Variants in CD34 observed in about 807,000 individuals in gnomAD.
CD34 encodes CD34 molecule.
Under a neutral mutation model 40.1 loss-of-function variants are expected in CD34, and 34 were observed. The ratio of observed to expected loss-of-function variants is 0.85; its 90% CI spans 0.65 to 1.13. The LOEUF is 1.13. Among genes scored for constraint, CD34 ranks in the 50% most tolerant of loss-of-function variants. The probability of loss-of-function intolerance (pLI) is 0.00; values close to 1 mark genes in which losing one functional copy is unlikely to be tolerated. For synonymous variants in CD34, 209 were observed against 190.0 expected (o/e 1.10, Z -0.82); for missense variants, 426 against 466.9 (o/e 0.91, Z 0.81).
At position 207,897,483 on chromosome 1, in the gene CD34, G is replaced by C. The variant is rs377027192; in HGVS notation, c.597+10C>G. On this transcript the variant is annotated intron_variant, in intron 4 of 7. Transcript: ENST00000310833. ...GCGGGAGGAAGAGGTTGGGTGGGGG[G>C]TTGACTTACACAGCTGGAGGTCTTA... 1 of 1,550,804 alleles carries C rather than the reference G, an allele frequency of 6.4e-7. No individual in the cohort carries two copies. The highest frequency in any genetic ancestry group is 8.7e-7 in the Non-Finnish European group (1 of 1,144,120).
rs1432814002 is a variant in CD34, at chr1:207,885,334, G to C, written c.*2404C>G. On this transcript the variant is annotated 3_prime_UTR_variant, in exon 8 of 8. Transcript: ENST00000310833. ...AAAGCAGGCAAATTCTTCAGGGCAA[G>C]CTGTCCAGCTGTCAGAGGGAACCAG... The C allele has an allele frequency of 6.6e-6, 1 of 152,322 alleles. No homozygotes were observed. The allele number at this position is 152,322 out of a possible 1,614,324, so 9.4% of individuals were successfully genotyped here. A position where few individuals can be genotyped will look rare whatever the true frequency, so the allele number is the denominator to read the frequency against.
chr1:207,888,989 T>C, intron 6 of CD34, 143 bp from the exon 7 acceptor site: 1 of 948,942 alleles, frequency 1.1e-6, no homozygotes, highest in Admixed American at 2.1e-5. Context: ...GATTTGAGAC[T>C]GACGTCTCTT....
chr1:207,882,553 A>G lies in CD34; in HGVS notation c.*5185T>C, dbSNP rs865920544. The G allele has an allele frequency of 6.6e-6, 1 of 152,238 alleles. No individual in the cohort carries two copies. Among genetic ancestry groups the G allele is most frequent in the African/African-American group, 2.4e-5 (1 of 41,462 alleles). The allele number at this position is 152,238 out of a possible 1,614,324, so 9.4% of individuals were successfully genotyped here. ...AAAGATGTTGAAACCATCTGACAAGAATTTTAAAACAGACAGCCATCATAA... is the reference window on the plus strand; with the variant it reads ...AAAGATGTTGAAACCATCTGACAAGGATTTTAAAACAGACAGCCATCATAA... On this transcript the variant is annotated 3_prime_UTR_variant, in exon 8 of 8. Transcript: ENST00000310833.
rs1661834657 is a variant in CD34, at chr1:207,882,990, G to GCCTGGCATAGTA, written c.*4736_*4747dup. On this transcript the variant is annotated 3_prime_UTR_variant, in exon 8 of 8. Coordinates refer to ENST00000310833, the MANE Select transcript of CD34 (RefSeq NM_001025109.2). ...GAAGGGACTATGTCTTATCCCAGGT[G>GCCTGGCATAGTA]CCTGGCATAGTACCTGGCTTATAAT... is the stretch of plus-strand genomic sequence containing the variant. 6.6e-6 allele frequency: 1 copy of GCCTGGCATAGTA among 152,172 alleles called. No individual in the cohort carries two copies. The highest frequency in any genetic ancestry group is 6.5e-5 in the Admixed American group (1 of 15,280). The allele number at this position is 152,172 out of a possible 1,614,324, so 9.4% of individuals were successfully genotyped here.
intron 5 of CD34, 110 bp downstream of exon 5, chr1:207,889,355 C>A (rs1454242319): frequency 1.0e-5 from 16 of 1,533,972 alleles, no homozygotes; most frequent in Non-Finnish European, 1.3e-5. Flanking sequence ...CCAAGTCCTT[C>A]TCCCCAGCAC....
rs1353327943 is a variant in CD34, at chr1:207,885,739, G to C, written c.*1999C>G. 1 of 152,274 alleles carries C rather than the reference G, an allele frequency of 6.6e-6. No homozygotes were observed. Among genetic ancestry groups the C allele is most frequent in the African/African-American group, 2.4e-5 (1 of 41,422 alleles). The allele number at this position is 152,274 out of a possible 1,614,324, so 9.4% of individuals were successfully genotyped here. ...TCATTTCGCCTCCCCTCTGTCCTAGGGAAGAACCTATGATTAGAGGAGTTG... is the reference window on the plus strand; with the variant it reads ...TCATTTCGCCTCCCCTCTGTCCTAGCGAAGAACCTATGATTAGAGGAGTTG... On this transcript the variant is annotated 3_prime_UTR_variant, in exon 8 of 8. Coordinates refer to ENST00000310833, the MANE Select transcript of CD34 (RefSeq NM_001025109.2).
intron 4 of CD34, among the ~76,000 whole-genome samples, chr1:207,892,145 GC>G (rs35002254): frequency 0.24 from 36,355 of 152,122 alleles, 5,069 homozygotes; most frequent in Non-Finnish European, 0.32. Context: ...CCTCAATGAA[GC>G]TGGTCCTACC....
intron 2 of CD34, 57 bp downstream of exon 2, chr1:207,899,764 G>C (rs1318194507): frequency 1.3e-6 from 2 of 1,487,880 alleles, no homozygotes; most frequent in Non-Finnish European, 1.8e-6. Flanking sequence ...CATCCTAAAT[G>C]CTTTACCCAA....
intron 1 of CD34, among the ~76,000 whole-genome samples, chr1:207,908,448 T>G (rs1311639391): frequency 6.6e-6 from 1 of 152,128 alleles, no homozygotes; most frequent in Non-Finnish European, 1.5e-5. Flanking sequence ...AAGGGTGGAG[T>G]CCTCTCCCCT....
At position 207,899,940 on chromosome 1, in the gene CD34, G is replaced by C. The variant is rs1333090767; in HGVS notation, c.143C>G (p.Thr48Arg). The C allele has an allele frequency of 1.2e-6, 2 of 1,613,860 alleles. No homozygotes were observed. Among genetic ancestry groups the C allele is most frequent in the Non-Finnish European group, 1.7e-6 (2 of 1,179,904 alleles). Residue 48 changes from threonine (T) to arginine (R), a missense_variant, in exon 2 of 8, where the codon ACA becomes AGA. Thr to Arg is a moderately conservative substitution (Grantham distance 71, BLOSUM62 -1). Coordinates refer to ENST00000310833, the MANE Select transcript of CD34 (RefSeq NM_001025109.2). Reference sequence around the variant, plus strand: ...TACATTTGTAGAAACATTTGAAAATGTTCCCTGGGTAGGTAACTCTGGGGT... The same window carrying C: ...TACATTTGTAGAAACATTTGAAAATCTTCCCTGGGTAGGTAACTCTGGGGT... ...TATPELPTQGTFSNVSTNVSY... is the reference protein window; with the variant it reads ...TATPELPTQGRFSNVSTNVSY...
chr1:207,891,731 A>T (rs568715963), intron 4 of CD34, among the ~76,000 whole-genome samples: 1 of 151,110 alleles, frequency 6.6e-6, no homozygotes, highest in Non-Finnish European at 1.5e-5. Context: ...CTTTCCATAT[A>T]TTAACTCATT....
chr1:207,902,603 C>T (rs1027213839), intron 1 of CD34, among the ~76,000 whole-genome samples: 19 of 152,346 alleles, frequency 1.2e-4, no homozygotes, highest in East Asian at 3.9e-4. Flanking sequence ...TCTTCCTCTT[C>T]GCCCCCAGCA....
intron 7 of CD34, chr1:207,888,264 A>G: frequency 1.2e-6 from 1 of 808,856 alleles, no homozygotes; most frequent in South Asian, 1.5e-5. Flanking sequence ...TTCAGACCTC[A>G]GCCTTGTCCT....
chr1:207,884,772 C>T lies in CD34; in HGVS notation c.*2966G>A, dbSNP rs564949151. On this transcript the variant is annotated 3_prime_UTR_variant, in exon 8 of 8. Transcript: ENST00000310833. The stretch of plus-strand genomic sequence containing the variant: ...ATTTTCCTGGGCTCACTGTGGGCGC[C>T]GAAGAAGCCGAACCTCATGGCCTCC... 3 of 152,288 alleles carry T rather than the reference C, an allele frequency of 2.0e-5. No individual in the cohort carries two copies. The highest frequency in any genetic ancestry group is 4.8e-5 in the African/African-American group (2 of 41,558). The allele number at this position is 152,288 out of a possible 1,614,324, so 9.4% of individuals were successfully genotyped here. A position where few individuals can be genotyped will look rare whatever the true frequency, so the allele number is the denominator to read the frequency against.
chr1:207,902,158 A>G (rs1662284416), intron 1 of CD34, among the ~76,000 whole-genome samples: 1 of 152,216 alleles, frequency 6.6e-6, no homozygotes, highest in Admixed American at 6.5e-5. Context: ...TGTGTCAGGT[A>G]AGCAGTGGGG....
chr1:207,892,797 G>A (rs1662064833), intron 4 of CD34, among the ~76,000 whole-genome samples: 3 of 152,074 alleles, frequency 2.0e-5, no homozygotes, highest in African/African-American at 7.2e-5. Context: ...GCACATTATA[G>A]CATTTACAAC....
At chr1:207,889,358 C>T (rs945402521) in intron 5 of CD34, 107 bp downstream of exon 5, 7 of 1,535,148 alleles carry the variant, frequency 4.6e-6, no homozygotes, top group Non-Finnish European at 6.2e-6. Flanking sequence ...AGTCCTTCTC[C>T]CCAGCACCTG....
chr1:207,896,844 T>C (rs930750876), intron 4 of CD34, among the ~76,000 whole-genome samples: 9 of 152,026 alleles, frequency 5.9e-5, no homozygotes, highest in African/African-American at 2.2e-4. Context: ...CATACAATAA[T>C]TTTGAAAATT....
At chr1:207,898,665 G>A (rs1242865528) in intron 3 of CD34, among the ~76,000 whole-genome samples, 1 of 152,172 alleles carries the variant, frequency 6.6e-6, no homozygotes, top group Non-Finnish European at 1.5e-5. Context: ...ATGGTGTCCT[G>A]GTCAAAGCCC....
Sources: allele counts gnomAD v4.1 joint callset (sites outside exome capture counted in the v4.1 genomes callset), GRCh38; gene constraint gnomAD v4.1.1; transcripts MANE v1.5; gene names NCBI Gene and HGNC (gene_info 2026-07-23, HGNC 2026-07-21).